The following APBB2 variants were observed in gnomAD, a reference collection of about 807,000 sequenced individuals.
APBB2 encodes amyloid beta precursor protein binding family B member 2, also known as Fe65-like 1.
APBB2 carries 38 observed loss-of-function variants against 82.5 expected under a neutral mutation model. The ratio of observed to expected loss-of-function variants is 0.46; its 90% CI spans 0.36 to 0.60. The LOEUF (loss-of-function observed/expected upper bound fraction) is 0.60, where lower values mean the gene tolerates loss of function less well. APBB2 is among the 20% of genes least tolerant of loss of function. The pLI is 0.00. For missense variants in APBB2, 772 were observed against 972.3 expected (o/e 0.79, Z 2.74); for synonymous variants, 341 against 368.2 (o/e 0.93, Z 0.85).
intron 3 of APBB2, among the ~76,000 whole-genome samples, chr4:41,074,224 T>C (rs1463736695): frequency 6.6e-6 from 1 of 152,138 alleles, no homozygotes; most frequent in Admixed American, 6.5e-5. Context: ...TTCCATCATC[T>C]TTCTTACCAG....
rs1764573025 is a variant in APBB2 at position 41,159,962 on chromosome 4, A to AGAAGGAGAAGAAGAG, written c.-416-16821_-416-16820insCTCTTCTTCTCCTTC. ...GAGGAGGAGAAGGAGAAGGAGAAGGAGAAGAAGAAGAAGAAGAAGAAGAAG... is the reference window on the plus strand; with the variant it reads ...GAGGAGGAGAAGGAGAAGGAGAAGGAGAAGGAGAAGAAGAGGAAGAAGAAGAAGAAGAAGAAGAAG... On this transcript the variant is annotated intron_variant, in intron 1 of 17. Transcript: ENST00000508593. 4.3e-5 allele frequency among the ~76,000 whole-genome samples: 2 copies of AGAAGGAGAAGAAGAG among 46,608 alleles called. 1 individual carries two copies. Among genetic ancestry groups the AGAAGGAGAAGAAGAG allele is most frequent in the African/African-American group, 1.7e-4 (2 of 11,642 alleles). 30.6% of individuals were successfully genotyped at this position (46,608 alleles called of 152,430 possible).
intron 1 of APBB2, among the ~76,000 whole-genome samples, chr4:41,201,186 T>A (rs1776605825): frequency 6.6e-6 from 1 of 151,994 alleles, no homozygotes; most frequent in South Asian, 2.1e-4. Context: ...GGTAACTTGT[T>A]TAGGGTTACC....
At chr4:40,819,854 C>T (rs946334401) in intron 17 of APBB2, among the ~76,000 whole-genome samples, 9 of 152,042 alleles carry the variant, frequency 5.9e-5, no homozygotes, top group African/African-American at 1.9e-4. Context: ...GCTCTGTCAC[C>T]CAGGCTGGAC....
chr4:41,063,987 C>T (rs191675377), intron 4 of APBB2, among the ~76,000 whole-genome samples: 1 of 112,720 alleles, frequency 8.9e-6, no homozygotes, highest in East Asian at 2.9e-4. Context: ...GACAGAATCT[C>T]GCTGTGTCGC....
At chr4:41,137,835 C>T (rs1758000293) in intron 2 of APBB2, among the ~76,000 whole-genome samples, 1 of 151,732 alleles carries the variant, frequency 6.6e-6, no homozygotes, top group African/African-American at 2.4e-5. Context: ...AAACATAGAC[C>T]CAAACCTCAC....
At chr4:41,211,645 G>A (rs866028301) in intron 1 of APBB2, among the ~76,000 whole-genome samples, 20 of 151,940 alleles carry the variant, frequency 1.3e-4, no homozygotes, top group Admixed American at 1.2e-3. Context: ...ACCACACCCG[G>A]CTAATTTTTG....
intron 3 of APBB2, among the ~76,000 whole-genome samples, chr4:41,081,182 A>G (rs901186182): frequency 6.6e-6 from 1 of 152,248 alleles, no homozygotes; most frequent in Admixed American, 6.5e-5. Context: ...AGATAAATTT[A>G]TCTCAGTCAA....
chr4:40,844,517 G>A (rs1321963557), intron 12 of APBB2, among the ~76,000 whole-genome samples: 1 of 152,166 alleles, frequency 6.6e-6, no homozygotes, highest in African/African-American at 2.4e-5. Flanking sequence ...TGTCTCCCAC[G>A]GAAGGACAGT....
At chr4:41,041,696 AT>A (rs1309259534) in intron 4 of APBB2, among the ~76,000 whole-genome samples, 1 of 152,214 alleles carries the variant, frequency 6.6e-6, no homozygotes, top group Non-Finnish European at 1.5e-5. Context: ...AAGGACATTG[AT>A]TTATGATCCT....
At chr4:40,942,654 G>A (rs771659760) in intron 7 of APBB2, among the ~76,000 whole-genome samples, 15 of 152,054 alleles carry the variant, frequency 9.9e-5, no homozygotes, top group Non-Finnish European at 1.8e-4. Flanking sequence ...TGTTGGGGGG[G>A]AACACTGAAC....
chr4:40,939,658 G>A (rs2154377932), intron 7 of APBB2, among the ~76,000 whole-genome samples: 1 of 152,186 alleles, frequency 6.6e-6, no homozygotes, highest in East Asian at 1.9e-4. Flanking sequence ...GGAGTGCAGT[G>A]GCATGATCTC....
intron 10 of APBB2, among the ~76,000 whole-genome samples, chr4:40,927,086 A>G (rs572165507): frequency 6.6e-6 from 1 of 152,322 alleles, no homozygotes; most frequent in African/African-American, 2.4e-5. Flanking sequence ...TTGAAATCTG[A>G]AATTTTCTCA....
chr4:41,105,352 T>C (rs1179218438), intron 2 of APBB2, among the ~76,000 whole-genome samples: 11 of 152,188 alleles, frequency 7.2e-5, no homozygotes, highest in Non-Finnish European at 1.2e-4. Context: ...ACATGTTTTG[T>C]TTCATTTTAG....
chr4:40,875,646 T>C (rs1766692848), intron 12 of APBB2, among the ~76,000 whole-genome samples: 1 of 152,210 alleles, frequency 6.6e-6, no homozygotes, highest in South Asian at 2.1e-4. Context: ...CAGCTACATT[T>C]CAAGTGCTCA....
intron 6 of APBB2, among the ~76,000 whole-genome samples, chr4:40,945,441 T>C (rs1410718946): frequency 6.6e-6 from 1 of 152,116 alleles, no homozygotes; most frequent in Admixed American, 6.6e-5. Flanking sequence ...CTTTTGTCAA[T>C]TATTAAGATT....
chr4:40,951,503 C>G (rs1014389564), intron 6 of APBB2, among the ~76,000 whole-genome samples: 3 of 152,254 alleles, frequency 2.0e-5, no homozygotes. Context: ...CGATACGGCT[C>G]AGTGCAGCCA....
intron 6 of APBB2, among the ~76,000 whole-genome samples, chr4:40,985,523 AG>A (rs1800203372): frequency 1.3e-5 from 2 of 152,308 alleles, no homozygotes; most frequent in East Asian, 3.9e-4. Context: ...GCTCTGATGA[AG>A]ACAAGTCTTT....
At chr4:40,943,831 C>T (rs1447285302) in intron 7 of APBB2, among the ~76,000 whole-genome samples, 3 of 152,182 alleles carry the variant, frequency 2.0e-5, no homozygotes, top group African/African-American at 7.2e-5. Context: ...TGCCCCAGCC[C>T]ATCACTTTCA....
intron 1 of APBB2, among the ~76,000 whole-genome samples, chr4:41,170,295 T>C (rs1767901920): frequency 6.6e-6 from 1 of 152,220 alleles, no homozygotes; most frequent in Admixed American, 6.5e-5. Flanking sequence ...GCAATCTTAT[T>C]ATAGCCATGT....
Sources: gnomAD v4.1 joint callset for allele counts (sites outside exome capture counted in the v4.1 genomes callset) on GRCh38, gnomAD v4.1.1 for gene constraint, MANE v1.5 for transcripts, NCBI Gene and HGNC (gene_info 2026-07-23, HGNC 2026-07-21) for gene names.